The following FANCC variants were observed in gnomAD, a reference collection of about 807,000 sequenced individuals.
FANCC encodes FA complementation group C.
In FANCC, 55 loss-of-function variants were observed where a neutral mutation model predicts 71.3. The observed-to-expected ratio is 0.77, with a 90% CI of 0.62 to 0.97. The LOEUF is 0.97. Among genes scored for constraint, FANCC ranks in the 50% least tolerant of loss-of-function variants. FANCC has a pLI of 0.00. For missense variants in FANCC, 678 were observed against 670.9 expected, an observed-to-expected ratio of 1.01 and a Z score of -0.12; for synonymous variants, 275 against 244.9, an observed-to-expected ratio of 1.12 and a Z score of -1.15.
At chr9:95,255,861 C>T (rs888837356) in intron 1 of FANCC, among the ~76,000 whole-genome samples, 2 of 151,602 alleles carry the variant, frequency 1.3e-5, no homozygotes, top group African/African-American at 4.8e-5. Context: ...AGCTGAAAAA[C>T]ACGTCATGAG....
intron 4 of FANCC, among the ~76,000 whole-genome samples, chr9:95,220,639 G>A (rs1015479886): frequency 3.3e-5 from 5 of 152,084 alleles, no homozygotes; most frequent in Non-Finnish European, 5.9e-5. Flanking sequence ...AACATCGCAT[G>A]TTCTCACTCA....
intron 4 of FANCC, among the ~76,000 whole-genome samples, chr9:95,218,842 G>T (rs945915259): frequency 3.3e-5 from 5 of 152,186 alleles, no homozygotes; most frequent in African/African-American, 9.6e-5. Context: ...ACAACTACAT[G>T]CTGATTAAAA....
In FANCC at chr9:95,249,258, A is replaced by G. The variant is rs766173332; in HGVS notation, c.34T>C (p.Tyr12His). The change falls in exon 2 of 15, where the codon TAT becomes CAT. Residue 12 changes from tyrosine to histidine, a missense_variant. Physicochemically the swap from Tyr to His is moderately conservative, Grantham distance 83. Coordinates refer to ENST00000289081, the MANE Select transcript of FANCC (RefSeq NM_000136.3). ...AQDSVDLSCD[Y>H]QFWMQKLSVW... ...GAAAGCTTCTGCATCCAAAACTGAT[A>G]ATCACAAGAAAGATCTACTGAATCT... The G allele has an allele frequency of 6.2e-7, 1 of 1,614,160 alleles. No homozygotes were observed. Among genetic ancestry groups the G allele is most frequent in the Non-Finnish European group, 8.5e-7 (1 of 1,180,020 alleles).
At chr9:95,126,432 A>G (rs1351526849) in intron 9 of FANCC, 97 bp downstream of exon 9, 7 of 1,209,546 alleles carry the variant, frequency 5.8e-6, no homozygotes, top group South Asian at 5.1e-5. Flanking sequence ...TAATTTCCCC[A>G]TGATACAGCC....
intron 7 of FANCC, among the ~76,000 whole-genome samples, chr9:95,147,575 A>C (rs1453472938): frequency 1.3e-5 from 2 of 152,226 alleles, no homozygotes; most frequent in Admixed American, 6.5e-5. Context: ...CTGACTCATG[A>C]GATGGAGACA....
chr9:95,181,535 G>A (rs567580236), intron 4 of FANCC, among the ~76,000 whole-genome samples: 1 of 152,272 alleles, frequency 6.6e-6, no homozygotes, highest in Admixed American at 6.5e-5. Context: ...ATAATAATAG[G>A]TTCTTTCTCA....
chr9:95,122,429 C>A (rs1470818342), intron 10 of FANCC, among the ~76,000 whole-genome samples: 1 of 152,124 alleles, frequency 6.6e-6, no homozygotes, highest in Non-Finnish European at 1.5e-5. Context: ...AGGTCCAGCT[C>A]TAGGAAGAGA....
chr9:95,218,459 G>A (rs1357824146), intron 4 of FANCC, among the ~76,000 whole-genome samples: 1 of 152,028 alleles, frequency 6.6e-6, no homozygotes, highest in East Asian at 1.9e-4. Flanking sequence ...AGGAGACCCT[G>A]TCTCAAAAAA....
chr9:95,150,840 T>C (rs1488428545), intron 6 of FANCC, among the ~76,000 whole-genome samples: 1 of 152,220 alleles, frequency 6.6e-6, no homozygotes, highest in Non-Finnish European at 1.5e-5. Flanking sequence ...CTGCCTGAAA[T>C]ACATGATTAG....
At chr9:95,143,067 T>C (rs764381674) in intron 7 of FANCC, among the ~76,000 whole-genome samples, 3 of 152,212 alleles carry the variant, frequency 2.0e-5, no homozygotes, top group Non-Finnish European at 2.9e-5. Context: ...AATCAGAGGT[T>C]CCAATGATCC....
At chr9:95,257,479 C>T (rs554448488) in intron 1 of FANCC, among the ~76,000 whole-genome samples, 4 of 152,240 alleles carry the variant, frequency 2.6e-5, no homozygotes, top group African/African-American at 9.6e-5. Context: ...TTATTTGAAA[C>T]CAATGAGAAC....
At chr9:95,201,827 G>T (rs1168169363) in intron 4 of FANCC, among the ~76,000 whole-genome samples, 1 of 152,176 alleles carries the variant, frequency 6.6e-6, no homozygotes, top group Non-Finnish European at 1.5e-5. Context: ...GATAGCTGTA[G>T]ATCCTTTTTT....
At chr9:95,170,538 A>T (rs1344996406) in intron 6 of FANCC, among the ~76,000 whole-genome samples, 3 of 151,904 alleles carry the variant, frequency 2.0e-5, no homozygotes, top group Non-Finnish European at 4.4e-5. Context: ...TTGCCTTTTA[A>T]TTTGTCTGAA....
intron 6 of FANCC, among the ~76,000 whole-genome samples, chr9:95,162,576 G>A (rs1830816150): frequency 6.6e-6 from 1 of 152,162 alleles, no homozygotes; most frequent in South Asian, 2.1e-4. Context: ...CCTAGCAACA[G>A]TGTACAAGGG....
At chr9:95,313,327 C>T (rs1346023088) in intron 1 of FANCC, among the ~76,000 whole-genome samples, 2 of 152,186 alleles carry the variant, frequency 1.3e-5, no homozygotes, top group East Asian at 3.9e-4. Context: ...GCCTGGGAAC[C>T]AGTGCTGGAG....
chr9:95,174,532 T>C (rs1358599220), intron 4 of FANCC, among the ~76,000 whole-genome samples: 1 of 151,658 alleles, frequency 6.6e-6, no homozygotes, highest in East Asian at 1.9e-4. Flanking sequence ...ATTAACATTA[T>C]ATATATATAT....
At chr9:95,292,737 A>G (rs1181798398) in intron 1 of FANCC, 20 of 1,360,550 alleles carry the variant, frequency 1.5e-5, no homozygotes, top group East Asian at 2.3e-5. Flanking sequence ...CTGTTGTCCA[A>G]TCGAAGGCTG....
chr9:95,111,850 C>T lies in FANCC; in HGVS notation c.1155-213G>A, dbSNP rs577793339. On this transcript the variant is annotated intron_variant, in intron 12 of 14. Transcript: ENST00000289081. ...TCGAAAGAGTGCCTCTCAGGACCCC[C>T]GTGAGGCCTGAGGCCTTTGGACATC... 1.6e-4 allele frequency among the ~76,000 whole-genome samples: 24 copies of T among 152,266 alleles called. No individual in the cohort carries two copies. The South Asian group carries it at 3.9e-3, about 25-fold the overall frequency.
At chr9:95,260,622 T>C (rs1831972243) in intron 1 of FANCC, among the ~76,000 whole-genome samples, 1 of 147,342 alleles carries the variant, frequency 6.8e-6, no homozygotes, top group Non-Finnish European at 1.5e-5. Flanking sequence ...GAAACCACCA[T>C]GGCACGTGTA....
Sources: gnomAD v4.1 joint callset for allele counts (sites outside exome capture counted in the v4.1 genomes callset) on GRCh38, gnomAD v4.1.1 for gene constraint, MANE v1.5 for transcripts, NCBI Gene and HGNC (gene_info 2026-07-23, HGNC 2026-07-21) for gene names.